The following PCOLCE2 variants were observed in gnomAD, a reference collection of about 807,000 sequenced individuals.
PCOLCE2 encodes the protein procollagen C-endopeptidase enhancer 2.
PCOLCE2 carries 42 observed loss-of-function variants against 47.0 expected under a neutral mutation model. The observed-to-expected ratio is 0.89, with a 90% CI of 0.70 to 1.16. PCOLCE2 has a LOEUF of 1.16. Among genes scored for constraint, PCOLCE2 ranks in the 50% most tolerant of loss-of-function variants. The probability of loss-of-function intolerance (pLI) is 0.00; values close to 1 mark genes in which losing one functional copy is unlikely to be tolerated. For synonymous variants in PCOLCE2, 169 were observed against 191.7 expected (o/e 0.88, Z 0.98); for missense variants, 500 against 526.1 (o/e 0.95, Z 0.49).
intron 3 of PCOLCE2, among the ~76,000 whole-genome samples, chr3:142,843,533 T>C (rs1370052163): frequency 6.6e-6 from 1 of 151,076 alleles, no homozygotes; most frequent in Non-Finnish European, 1.5e-5. Flanking sequence ...ATAAATTTTG[T>C]TTGTAAAAAT....
At chr3:142,831,069 G>C (rs1013174602) in intron 5 of PCOLCE2, among the ~76,000 whole-genome samples, 4 of 152,238 alleles carry the variant, frequency 2.6e-5, no homozygotes, top group African/African-American at 9.6e-5. Context: ...GAATCAAAAA[G>C]TGAGCTTTGT....
chr3:142,886,557 G>A (rs1280039022), intron 2 of PCOLCE2, among the ~76,000 whole-genome samples: 2 of 152,158 alleles, frequency 1.3e-5, no homozygotes, highest in Non-Finnish European at 2.9e-5. Flanking sequence ...ACAAGAGGCC[G>A]TCAAGGCATG....
intron 6 of PCOLCE2, among the ~76,000 whole-genome samples, chr3:142,828,075 A>G (rs2108186833): frequency 6.6e-6 from 1 of 152,212 alleles, no homozygotes. Flanking sequence ...GACTCTGGTG[A>G]CCCCCTGGAT....
intron 2 of PCOLCE2, among the ~76,000 whole-genome samples, chr3:142,850,200 T>C (rs151328258): frequency 2.0e-5 from 3 of 152,340 alleles, no homozygotes; most frequent in Non-Finnish European, 4.4e-5. Flanking sequence ...AACCTCTATT[T>C]GTACAATAAT....
chr3:142,863,444 G>A (rs1206616076), intron 2 of PCOLCE2, among the ~76,000 whole-genome samples: 2 of 152,180 alleles, frequency 1.3e-5, no homozygotes, highest in East Asian at 3.8e-4. Context: ...GGTTTCAGGG[G>A]AAAAACATTT....
chr3:142,869,290 C>CAA (rs767538601), intron 2 of PCOLCE2, among the ~76,000 whole-genome samples: 128 of 119,800 alleles, frequency 1.1e-3, no homozygotes, highest in Non-Finnish European at 1.8e-3. Flanking sequence ...GACTCTGTCT[C>CAA]AAAAAAAAAA....
chr3:142,869,248 G>A (rs531031282), intron 2 of PCOLCE2, among the ~76,000 whole-genome samples: 121 of 151,546 alleles, frequency 8.0e-4, no homozygotes, highest in African/African-American at 2.8e-3. Flanking sequence ...CCGAGATCGC[G>A]CCACTACGCT....
chr3:142,822,076 C>T (rs1937022132), intron 7 of PCOLCE2, among the ~76,000 whole-genome samples: 4 of 152,060 alleles, frequency 2.6e-5, no homozygotes, highest in Admixed American at 2.6e-4. Flanking sequence ...CACCACCACA[C>T]CCAGCTAATT....
intron 5 of PCOLCE2, among the ~76,000 whole-genome samples, chr3:142,830,765 C>G (rs1462037912): frequency 5.3e-5 from 8 of 152,188 alleles, no homozygotes; most frequent in Admixed American, 3.9e-4. Flanking sequence ...TAAAAAAATG[C>G]TGTCTGATTA....
intron 2 of PCOLCE2, among the ~76,000 whole-genome samples, chr3:142,874,367 C>G (rs2108209325): frequency 6.6e-6 from 1 of 152,332 alleles, no homozygotes; most frequent in Admixed American, 6.5e-5. Context: ...AGCCACCGCA[C>G]CTGGCCGAGC....
At chr3:142,818,489 T>A in intron 8 of PCOLCE2, 24 bp from the exon 9 acceptor site, 1 of 1,584,704 alleles carries the variant, frequency 6.3e-7, no homozygotes, top group South Asian at 1.1e-5. Flanking sequence ...ATACAGAAAT[T>A]AATCTTTTTC....
intron 2 of PCOLCE2, among the ~76,000 whole-genome samples, chr3:142,856,229 A>C (rs1047268994): frequency 1.3e-4 from 20 of 152,166 alleles, no homozygotes; most frequent in Non-Finnish European, 2.9e-5. Flanking sequence ...GATTTGGAGC[A>C]ACCACAAAGG....
chr3:142,885,843 C>T (rs935581226), intron 2 of PCOLCE2, among the ~76,000 whole-genome samples: 1 of 152,198 alleles, frequency 6.6e-6, no homozygotes, highest in Non-Finnish European at 1.5e-5. Context: ...CCACCGTGGC[C>T]TACAGAGTCC....
At chr3:142,836,101 A>C (rs528500662) in intron 5 of PCOLCE2, among the ~76,000 whole-genome samples, 31 of 152,352 alleles carry the variant, frequency 2.0e-4, no homozygotes, top group Admixed American at 5.2e-4. Flanking sequence ...GCTTTAAACT[A>C]AATTCTTGAC....
intron 2 of PCOLCE2, among the ~76,000 whole-genome samples, chr3:142,859,807 C>T (rs983769956): frequency 1.3e-5 from 2 of 152,204 alleles, no homozygotes; most frequent in Non-Finnish European, 2.9e-5. Flanking sequence ...CTTGGCCTCC[C>T]AAAGTGCTGG....
intron 2 of PCOLCE2, among the ~76,000 whole-genome samples, chr3:142,872,036 C>T (rs376203048): frequency 5.3e-5 from 8 of 152,256 alleles, no homozygotes; most frequent in African/African-American, 1.9e-4. Flanking sequence ...CAACAATTGT[C>T]TTCCAGTTGC....
intron 3 of PCOLCE2, among the ~76,000 whole-genome samples, chr3:142,845,606 T>A (rs376917624): frequency 1.8e-4 from 27 of 152,332 alleles, no homozygotes; most frequent in African/African-American, 6.5e-4. Context: ...TATCTGAAAA[T>A]GTCTTCATTT....
At position 142,889,031 on chromosome 3, in the gene PCOLCE2, G is replaced by T. The variant is rs1578055793; in HGVS notation, c.-135C>A. 1 of 302,604 alleles carries T rather than the reference G, an allele frequency of 3.3e-6. No individual in the cohort carries two copies. Among genetic ancestry groups the T allele is most frequent in the East Asian group, 4.1e-5 (1 of 24,622 alleles). The allele number at this position is 302,604 out of a possible 1,614,324, so 18.7% of individuals were successfully genotyped here. A position where few individuals can be genotyped will look rare whatever the true frequency, so the allele number is the denominator to read the frequency against. On this transcript the variant is annotated 5_prime_UTR_variant, in exon 1 of 9. Transcript: ENST00000295992. ...CACACCGGCGCTCGGCTGCCCGCGC[G>T]CTCCCTCTCACGCGCGCACCGCCGC...
At chr3:142,861,625 TA>T (rs1933184483) in intron 2 of PCOLCE2, among the ~76,000 whole-genome samples, 1 of 151,538 alleles carries the variant, frequency 6.6e-6, no homozygotes, top group African/African-American at 2.4e-5. Context: ...CGATAATGAT[TA>T]TTATTTTGAC....
Sources: gnomAD v4.1 joint callset for allele counts (sites outside exome capture counted in the v4.1 genomes callset) on GRCh38, gnomAD v4.1.1 for gene constraint, MANE v1.5 for transcripts, NCBI Gene and HGNC (gene_info 2026-07-23, HGNC 2026-07-21) for gene names.